The following LSAMP variants were observed in gnomAD, a reference collection of about 807,000 sequenced individuals.
The protein encoded by LSAMP is limbic system associated membrane protein.
In LSAMP, 7 loss-of-function variants were observed where a neutral mutation model predicts 38.6. The ratio of observed to expected loss-of-function variants is 0.18; its 90% confidence interval spans 0.10 to 0.34. The LOEUF is 0.34. Ranked by LOEUF, LSAMP falls within the 10% of genes least tolerant of loss-of-function variation. The pLI, the probability that LSAMP is intolerant of heterozygous loss-of-function variation, is 1.00. For missense variants in LSAMP, 313 were observed against 420.0 expected (o/e 0.75, Z 2.23); for synonymous variants, 154 against 166.8 (o/e 0.92, Z 0.59).
chr3:116,005,189 G>GAGCT (rs2107666175), intron 3 of LSAMP, among the ~76,000 whole-genome samples: 1 of 152,196 alleles, frequency 6.6e-6, no homozygotes, highest in Admixed American at 6.5e-5. Context: ...TAAAGAAAGA[G>GAGCT]AGCTAACTCC....
chr3:116,251,162 A>G (rs1318944713), intron 1 of LSAMP, among the ~76,000 whole-genome samples: 1 of 152,306 alleles, frequency 6.6e-6, no homozygotes, highest in East Asian at 1.9e-4. Context: ...TCCCATTTGG[A>G]CAGATTAGCC....
chr3:116,347,332 G>A (rs1335256957), intron 1 of LSAMP, among the ~76,000 whole-genome samples: 2 of 152,064 alleles, frequency 1.3e-5, no homozygotes, highest in African/African-American at 2.4e-5. Flanking sequence ...ACGGTTAGTA[G>A]GTCAGTCAAA....
chr3:116,295,394 G>GAACTA (rs1208758257), intron 1 of LSAMP, among the ~76,000 whole-genome samples: 1 of 152,128 alleles, frequency 6.6e-6, no homozygotes, highest in Admixed American at 6.5e-5. Flanking sequence ...TGACTGGCTG[G>GAACTA]AACTAATCTA....
chr3:116,258,142 A>G (rs1299522442), intron 1 of LSAMP, among the ~76,000 whole-genome samples: 4 of 152,120 alleles, frequency 2.6e-5, no homozygotes, highest in African/African-American at 9.6e-5. Context: ...TAAAGGAAAG[A>G]AGAATGTGCA....
At chr3:116,164,781 G>A (rs1404703101) in intron 1 of LSAMP, among the ~76,000 whole-genome samples, 1 of 111,208 alleles carries the variant, frequency 9.0e-6, no homozygotes, top group Non-Finnish European at 1.8e-5. Flanking sequence ...TTTTCAAGTA[G>A]CATCTAGCTT....
At chr3:115,829,014 G>C (rs1934521163) in intron 6 of LSAMP, among the ~76,000 whole-genome samples, 1 of 152,150 alleles carries the variant, frequency 6.6e-6, no homozygotes, top group African/African-American at 2.4e-5. Flanking sequence ...TCTTTAAATT[G>C]ACTCTGTAGG....
At position 116,156,959 on chromosome 3, in the gene LSAMP, A is replaced by G. The variant is rs73858549; in HGVS notation, c.156-70403T>C. 2.8e-3 allele frequency among the ~76,000 whole-genome samples: 427 copies of G among 152,272 alleles called. 1 individual carries two copies. The highest frequency in any genetic ancestry group is 9.8e-3 in the African/African-American group (406 of 41,562). On this transcript the variant is annotated intron_variant, in intron 1 of 6. Transcript: ENST00000490035. Reference sequence around the variant, plus strand: ...GCTTCCAAGATGAGTTTAACTTCATATAAGGAAGGATATTCTAAGGACTCT... The same window carrying G: ...GCTTCCAAGATGAGTTTAACTTCATGTAAGGAAGGATATTCTAAGGACTCT...
At chr3:116,351,454 G>C (rs561486893) in intron 1 of LSAMP, among the ~76,000 whole-genome samples, 99 of 152,148 alleles carry the variant, frequency 6.5e-4, no homozygotes, top group African/African-American at 2.2e-3. Context: ...CCATGGGTAT[G>C]TTGGAAAGGG....
chr3:116,191,761 T>A (rs190133951), intron 1 of LSAMP, among the ~76,000 whole-genome samples: 2 of 148,514 alleles, frequency 1.3e-5, no homozygotes, highest in East Asian at 2.0e-4. Flanking sequence ...AGGAACCTAA[T>A]GGGGCTTCTA....
chr3:116,123,091 G>C (rs1446897482), intron 1 of LSAMP, among the ~76,000 whole-genome samples: 1 of 152,148 alleles, frequency 6.6e-6, no homozygotes, highest in African/African-American at 2.4e-5. Flanking sequence ...TCATAAAGAT[G>C]ACAAAAACAA....
intron 3 of LSAMP, among the ~76,000 whole-genome samples, chr3:115,853,510 C>A (rs79632660): frequency 1.3e-5 from 2 of 152,196 alleles, no homozygotes; most frequent in East Asian, 1.9e-4. Context: ...ACTTAAGAAA[C>A]CTTGTTTAAA....
At chr3:116,342,958 A>C (rs1490395960) in intron 1 of LSAMP, among the ~76,000 whole-genome samples, 1 of 152,120 alleles carries the variant, frequency 6.6e-6, no homozygotes, top group Admixed American at 6.6e-5. Context: ...AAATGTAAGA[A>C]ATAAAGTGAA....
intron 1 of LSAMP, among the ~76,000 whole-genome samples, chr3:116,408,880 C>T (rs1428363614): frequency 6.6e-6 from 1 of 152,100 alleles, no homozygotes; most frequent in African/African-American, 2.4e-5. Flanking sequence ...TGGTCTTTCT[C>T]ACAAGGAATT....
intron 6 of LSAMP, among the ~76,000 whole-genome samples, chr3:115,829,470 G>A (rs537911068): frequency 6.6e-6 from 1 of 152,306 alleles, no homozygotes; most frequent in South Asian, 2.1e-4. Flanking sequence ...TGACATGTCT[G>A]CCTAAATTCT....
intron 6 of LSAMP, among the ~76,000 whole-genome samples, chr3:115,839,460 G>A (rs1417582323): frequency 2.0e-5 from 3 of 152,028 alleles, no homozygotes; most frequent in Non-Finnish European, 4.4e-5. Flanking sequence ...ATGGGTGGAG[G>A]GAGTGTCATT....
chr3:116,359,666 A>C (rs2048276663), intron 1 of LSAMP, among the ~76,000 whole-genome samples: 1 of 152,154 alleles, frequency 6.6e-6, no homozygotes, highest in Non-Finnish European at 1.5e-5. Flanking sequence ...AACATATGTC[A>C]TGGTGGTTTG....
chr3:115,903,850 A>G (rs1936942401), intron 3 of LSAMP, among the ~76,000 whole-genome samples: 1 of 152,170 alleles, frequency 6.6e-6, no homozygotes, highest in Admixed American at 6.6e-5. Context: ...TCTTATTTAA[A>G]TGGTACTTAA....
chr3:116,067,284 G>C (rs1707480712), intron 2 of LSAMP, among the ~76,000 whole-genome samples: 1 of 152,098 alleles, frequency 6.6e-6, no homozygotes, highest in Non-Finnish European at 1.5e-5. Flanking sequence ...AAATATTACT[G>C]AAGTTGATGA....
chr3:116,142,174 C>T (rs762587941), intron 1 of LSAMP, among the ~76,000 whole-genome samples: 8 of 151,958 alleles, frequency 5.3e-5, no homozygotes, highest in Non-Finnish European at 1.0e-4. Flanking sequence ...ACCCCACACC[C>T]GCCTGCTGTA....
Sources: gnomAD v4.1 joint callset for allele counts (sites outside exome capture counted in the v4.1 genomes callset) on GRCh38, gnomAD v4.1.1 for gene constraint, MANE v1.5 for transcripts, NCBI Gene and HGNC (gene_info 2026-07-23, HGNC 2026-07-21) for gene names.